Variants in GET3 observed in about 807,000 individuals in gnomAD.
GET3 encodes the protein ATPase GET3.
In GET3, 15 loss-of-function variants were observed where a neutral mutation model predicts 32.4. That is an observed-to-expected ratio of 0.46 (90% confidence interval 0.31 to 0.71). The LOEUF is 0.71. GET3 is among the 30% of genes least tolerant of loss of function. GET3 has a pLI of 0.05. For missense variants in GET3, 333 were observed against 459.0 expected (o/e 0.73, Z 2.51); for synonymous variants, 198 against 185.6 (o/e 1.07, Z -0.54).
At chr19:12,741,633 C>T (rs1967671187) in intron 2 of GET3, among the ~76,000 whole-genome samples, 1 of 151,930 alleles carries the variant, frequency 6.6e-6, no homozygotes, top group Admixed American at 6.6e-5. Context: ...GTGGCCGGCA[C>T]CTGTAGTCCC....
chr19:12,747,932 G>C lies in GET3; in HGVS notation c.916-41G>C. On this transcript the variant is annotated intron_variant, in intron 6 of 6. Coordinates refer to ENST00000357332, the MANE Select transcript of GET3 (RefSeq NM_004317.4). This position sits in a 1 kb window ranked among gnomAD's most constrained non-coding sequence, Gnocchi z 4.0. ...ATCCACACTCTGTCTCTGCCTTCCT[G>C]CCCCCTGACCACTGCCTTCTACCCT... 1 of 1,541,272 alleles carries C rather than the reference G, an allele frequency of 6.5e-7. No individual in the cohort carries two copies. Among genetic ancestry groups the C allele is most frequent in the Non-Finnish European group, 8.8e-7 (1 of 1,138,058 alleles).
Position 12,747,128 on chromosome 19 carries a change from G to T in GET3, c.610-69G>T. On this transcript the variant is annotated intron_variant, in intron 4 of 6. Coordinates refer to ENST00000357332, the MANE Select transcript of GET3 (RefSeq NM_004317.4). This position sits in a 1 kb window ranked among gnomAD's most constrained non-coding sequence, Gnocchi z 4.0. ...AGGTATCAGGAGTCATCCCTCGGGTGTTTAGTGAACCCCCAACCCAGGAGG... is the reference window on the plus strand; with the variant it reads ...AGGTATCAGGAGTCATCCCTCGGGTTTTTAGTGAACCCCCAACCCAGGAGG... The T allele has an allele frequency of 7.3e-7, 1 of 1,375,682 alleles. No homozygotes were observed. 85.2% of individuals were successfully genotyped at this position (1,375,682 alleles called of 1,614,324 possible).
chr19:12,738,413 C>T (rs1967610891), intron 1 of GET3, 98 bp from the exon 2 acceptor site: 4 of 1,488,082 alleles, frequency 2.7e-6, no homozygotes, highest in African/African-American at 1.4e-5. Context: ...CCTGCTGATT[C>T]GGGTCACCTG....
chr19:12,737,698 T>TG, intron 1 of GET3, 32 bp downstream of exon 1: 1 of 1,593,876 alleles, frequency 6.3e-7, no homozygotes, highest in Non-Finnish European at 8.5e-7. Flanking sequence ...CCAGGAGGCG[T>TG]GTAGGATATA....
rs1599454298 is a variant in GET3, at chr19:12,748,201, A to T, written c.*97A>T. ...TTGCACAAAGTCCCCCCCATAATAC[A>T]GGGGGAGCCACTTGGGCAGGAGGCA... On this transcript the variant is annotated 3_prime_UTR_variant, in exon 7 of 7. Coordinates refer to ENST00000357332, the MANE Select transcript of GET3 (RefSeq NM_004317.4). The T allele has an allele frequency of 8.6e-7, 1 of 1,157,742 alleles. No individual in the cohort carries two copies. Among genetic ancestry groups the T allele is most frequent in the Non-Finnish European group, 1.2e-6 (1 of 865,404 alleles). 71.7% of individuals were successfully genotyped at this position (1,157,742 alleles called of 1,614,324 possible). A position where few individuals can be genotyped will look rare whatever the true frequency, so the allele number is the denominator to read the frequency against.
At chr19:12,742,245 T>C (rs1455341495) in intron 2 of GET3, among the ~76,000 whole-genome samples, 1 of 151,142 alleles carries the variant, frequency 6.6e-6, no homozygotes, top group African/African-American at 2.4e-5. Context: ...TTTTTTTTTT[T>C]TTTTGAGACT....
At chr19:12,743,634 C>A (rs1412814934) in intron 2 of GET3, among the ~76,000 whole-genome samples, 5 of 147,956 alleles carry the variant, frequency 3.4e-5, no homozygotes, top group Non-Finnish European at 6.0e-5. Context: ...ACTAAAAATA[C>A]AAAAAATTAG....
chr19:12,738,559 C>T lies in GET3; in HGVS notation c.210C>T (p.Ile70=). Reference sequence around the variant, plus strand: ...CCAAGGGGCGTGAGAGTGTTCTGATCATCTCCACAGACCCAGCACACAACA... The same window carrying T: ...CCAAGGGGCGTGAGAGTGTTCTGATTATCTCCACAGACCCAGCACACAACA... ...QLSKGRESVL[I]ISTDPAHNIS... Residue 70 remains isoleucine (I), a synonymous_variant, in exon 2 of 7, where the codon ATC becomes ATT. Transcript: ENST00000357332. 8.7e-6 allele frequency: 14 copies of T among 1,614,178 alleles called. No homozygotes were observed. Among genetic ancestry groups the T allele is most frequent in the Non-Finnish European group, 1.2e-5 (14 of 1,180,052 alleles).
Position 12,737,583 on chromosome 19 carries a change from T to C in GET3, c.78T>C (p.Pro26=). 1 of 1,612,238 alleles carries C rather than the reference T, an allele frequency of 6.2e-7. No individual in the cohort carries two copies. The highest frequency in any genetic ancestry group is 8.5e-7 in the Non-Finnish European group (1 of 1,179,392). ...EDAPDVEPLE[P]TLSNIIEQRS... ...CTCCTGATGTGGAGCCGCTGGAGCCTACACTTAGCAACATCATCGAGCAGC... is the reference window on the plus strand; with the variant it reads ...CTCCTGATGTGGAGCCGCTGGAGCCCACACTTAGCAACATCATCGAGCAGC... The change falls in exon 1 of 7, where the codon CCT becomes CCC. Residue 26 remains proline (P), a synonymous_variant. Coordinates refer to ENST00000357332, the MANE Select transcript of GET3 (RefSeq NM_004317.4).
intron 2 of GET3, among the ~76,000 whole-genome samples, chr19:12,742,716 T>C (rs1967693264): frequency 6.6e-6 from 1 of 152,086 alleles, no homozygotes. Flanking sequence ...GCCTGGCCTG[T>C]ATTTTTTTTT....
At chr19:12,744,140 C>G (rs1457768847) in intron 2 of GET3, among the ~76,000 whole-genome samples, 15 of 148,490 alleles carry the variant, frequency 1.0e-4, no homozygotes, top group Non-Finnish European at 1.9e-4. Flanking sequence ...TGCTTGAACC[C>G]AGAAGGTGGA....
intron 2 of GET3, among the ~76,000 whole-genome samples, chr19:12,744,080 G>A (rs1967723785): frequency 6.7e-6 from 1 of 150,040 alleles, no homozygotes; most frequent in Admixed American, 6.6e-5. Flanking sequence ...GCCAGGCATG[G>A]TGGGGCATGC....
chr19:12,737,631 C>T lies in GET3; in HGVS notation c.126C>T (p.Val42=), dbSNP rs78995387. The T allele has an allele frequency of 5.2e-5, 84 of 1,610,760 alleles. No homozygotes were observed. In the East Asian group the frequency reaches 1.8e-3, roughly 34 times the overall value. ...AGCGCAGCCTGAAGTGGATCTTCGT[C>T]GGGGGCAAGGGTGGTGTGGGCAAGA... ...IEQRSLKWIF[V]GGKGGVGKTT... is the part of the protein sequence containing the mutation. Residue 42 remains valine (V), a synonymous_variant, in exon 1 of 7, where the codon GTC becomes GTT. Transcript: ENST00000357332.
intron 2 of GET3, among the ~76,000 whole-genome samples, chr19:12,742,217 G>A (rs1361984505): frequency 6.7e-6 from 1 of 150,274 alleles, no homozygotes; most frequent in Non-Finnish European, 1.5e-5. Context: ...AATGAGCTAT[G>A]TATGAGATGG....
Position 12,747,953 on chromosome 19 carries a change from A to G in GET3, c.916-20A>G, listed in dbSNP as rs1422943086. Reference sequence around the variant, plus strand: ...TCCTGCCCCCTGACCACTGCCTTCTACCCTCTGCCCTGGCTGCAGATGGAG... The same window carrying G: ...TCCTGCCCCCTGACCACTGCCTTCTGCCCTCTGCCCTGGCTGCAGATGGAG... On this transcript the variant is annotated intron_variant, in intron 6 of 6. Transcript: ENST00000357332. This position sits in a 1 kb window ranked among gnomAD's most constrained non-coding sequence, Gnocchi z 4.0. 3 of 1,577,662 alleles carry G rather than the reference A, an allele frequency of 1.9e-6. No homozygotes were observed. The African/African-American group carries it at 4.0e-5, about 21-fold the overall frequency.
intron 2 of GET3, 40 bp downstream of exon 2, chr19:12,738,698 C>G (rs200351243): frequency 6.2e-7 from 1 of 1,612,850 alleles, no homozygotes; most frequent in South Asian, 1.1e-5. Context: ...CTGGGAAAAG[C>G]CTCTTCCAGC....
intron 1 of GET3, 45 bp downstream of exon 1, chr19:12,737,711 A>C (rs1967599750): frequency 1.9e-6 from 3 of 1,557,284 alleles, no homozygotes; most frequent in Non-Finnish European, 2.6e-6. Context: ...AGGATATACC[A>C]CTGGGCGAAG....
At chr19:12,743,102 G>A (rs904006343) in intron 2 of GET3, among the ~76,000 whole-genome samples, 1 of 152,232 alleles carries the variant, frequency 6.6e-6, no homozygotes, top group African/African-American at 2.4e-5. Context: ...AACAGGGAAT[G>A]ACCCCTAAGG....
intron 1 of GET3, 116 bp from the exon 2 acceptor site, chr19:12,738,395 T>C: frequency 7.5e-7 from 1 of 1,336,226 alleles, no homozygotes; most frequent in Non-Finnish European, 1.0e-6. Context: ...TACTCTCCTC[T>C]CAAGGCCCCT....
Sources: gnomAD v4.1 joint callset for allele counts (sites outside exome capture counted in the v4.1 genomes callset) on GRCh38, gnomAD v4.1.1 for gene constraint, Gnocchi (gnomAD v3.1) non-coding constraint, MANE v1.5 for transcripts, NCBI Gene and HGNC (gene_info 2026-07-23, HGNC 2026-07-21) for gene names.